GP6: variants seen among roughly 807,000 people sequenced by gnomAD.
GP6 encodes glycoprotein VI platelet, also known as platelet glycoprotein VI.
In GP6, 45 loss-of-function variants were observed where a neutral mutation model predicts 37.3. The observed-to-expected ratio is 1.21, with a 90% CI of 0.95 to 1.55. The LOEUF is 1.55. GP6 is among the 40% of genes most tolerant of loss of function. GP6 has a pLI of 0.00. For missense variants in GP6, 813 were observed against 760.2 expected, an observed-to-expected ratio of 1.07 and a Z score of -0.82; for synonymous variants, 340 against 316.4, an observed-to-expected ratio of 1.07 and a Z score of -0.79.
rs1476071927 is a variant in GP6, at chr19:55,027,016, TACGGCCCCGCCC to T, written c.610+550_610+561del. Among the ~76,000 whole-genome samples the T allele has an allele frequency of 9.8e-5, 12 of 122,248 alleles. 1 individual carries two copies. The highest frequency in any genetic ancestry group is 1.7e-4 in the Admixed American group (2 of 12,084). 80.2% of individuals were successfully genotyped at this position (122,248 alleles called of 152,430 possible). A position where few individuals can be genotyped will look rare whatever the true frequency, so the allele number is the denominator to read the frequency against. ...CCTGCCCTCCCACTTCCTTCCCACC[TACGGCCCCGCCC>T]CTGCAGCCCAGGGCTTCCTGCCCTC... On this transcript the variant is annotated intron_variant, in intron 4 of 7. Coordinates refer to ENST00000310373, the MANE Select transcript of GP6 (RefSeq NM_001083899.2).
Position 55,032,211 on chromosome 19 carries a change from G to A in GP6, c.253C>T (p.Arg85Cys), listed in dbSNP as rs752925351. 8.1e-6 allele frequency: 13 copies of A among 1,613,782 alleles called. No individual in the cohort carries two copies. Among genetic ancestry groups the A allele is most frequent in the African/African-American group, 6.7e-5 (5 of 74,916 alleles). The change falls in exon 3 of 8, where the codon CGC (arginine) becomes TGC (cysteine). Residue 85 changes from arginine to cysteine, a missense_variant. Coordinates refer to ENST00000310373, the MANE Select transcript of GP6 (RefSeq NM_001083899.2). ...CCGTTCTGGTAGGAGCAGCGGTAGC[G>A]TCCAGCCAGACTTCTCTTCATGGCC...
At chr19:55,029,339 TA>T (rs2074444244) in intron 3 of GP6, among the ~76,000 whole-genome samples, 1 of 11,454 alleles carries the variant, frequency 8.7e-5, no homozygotes, top group African/African-American at 4.0e-4. Context: ...TATATATATA[TA>T]TATATATATA....
chr19:55,027,875 G>T lies in GP6; in HGVS notation c.326-13C>A. 6.2e-7 allele frequency: 1 copy of T among 1,613,872 alleles called. No homozygotes were observed. Among genetic ancestry groups the T allele is most frequent in the South Asian group, 1.1e-5 (1 of 91,076 alleles). Reference sequence around the variant, plus strand: ...TTGGCAAAAACTCCTGGGAGAAAAAGAAAGTCTGATGTTGAAGGCAGGAGC... The same window carrying T: ...TTGGCAAAAACTCCTGGGAGAAAAATAAAGTCTGATGTTGAAGGCAGGAGC... On this transcript the variant is annotated splice_polypyrimidine_tract_variant and intron_variant, in intron 3 of 7. Transcript: ENST00000310373.
chr19:55,033,139 A>G (rs62122017), intron 1 of GP6, among the ~76,000 whole-genome samples: 843 of 8,022 alleles, frequency 0.11, 66 homozygotes, highest in East Asian at 0.4. Flanking sequence ...CGTGTTAGAC[A>G]CGGTGGGTTC....
chr19:55,026,000 CAAAAA>C (rs869194721), intron 4 of GP6, among the ~76,000 whole-genome samples: 1 of 17,858 alleles, frequency 5.6e-5, no homozygotes, highest in Non-Finnish European at 1.7e-4. Context: ...AGACTCCCCC[CAAAAA>C]AAAAAAAAAA....
intron 1 of GP6, among the ~76,000 whole-genome samples, chr19:55,037,489 C>T (rs1427020441): frequency 6.6e-6 from 1 of 151,976 alleles, no homozygotes; most frequent in East Asian, 1.9e-4. Flanking sequence ...AGGCATGTGC[C>T]ACCACACCCG....
intron 4 of GP6, among the ~76,000 whole-genome samples, chr19:55,026,612 C>G (rs938276668): frequency 5.3e-5 from 8 of 152,110 alleles, no homozygotes; most frequent in African/African-American, 1.9e-4. Flanking sequence ...GTAGTCAAGT[C>G]CGACGCGGTG....
At chr19:55,035,202 C>G (rs1016156021) in intron 1 of GP6, among the ~76,000 whole-genome samples, 2 of 151,564 alleles carry the variant, frequency 1.3e-5, no homozygotes, top group African/African-American at 4.8e-5. Context: ...CAAACCCTAG[C>G]AGCACCAATT....
intron 1 of GP6, among the ~76,000 whole-genome samples, chr19:55,037,394 A>G (rs1484844879): frequency 6.7e-6 from 1 of 150,138 alleles, no homozygotes; most frequent in Non-Finnish European, 1.5e-5. Context: ...CCAGAGTGCA[A>G]TGGTGTGATC....
chr19:55,019,044 T>C (rs1051524243), intron 5 of GP6, among the ~76,000 whole-genome samples: 7 of 152,100 alleles, frequency 4.6e-5, no homozygotes, highest in Admixed American at 3.3e-4. Flanking sequence ...GTGGAATCAC[T>C]GGGTCATACA....
At chr19:55,021,784 T>C (rs2074097122) in intron 5 of GP6, among the ~76,000 whole-genome samples, 1 of 152,068 alleles carries the variant, frequency 6.6e-6, no homozygotes, top group African/African-American at 2.4e-5. Flanking sequence ...CCTCCCAAAG[T>C]GCTGGGATTA....
At position 55,018,651 on chromosome 19, in the gene GP6, C is replaced by A; in HGVS notation, c.724+1G>T. On this transcript the variant is annotated splice_donor_variant, in intron 6 of 7. Transcript: ENST00000310373. LOFTEE classifies it high-confidence loss of function. ...TGAGCATGAAATGCCTGGTTACTCA[C>A]CAGTTGTGAAGACTTCGTTTGTGAA... The A allele has an allele frequency of 6.4e-7, 1 of 1,560,794 alleles. No homozygotes were observed. Among genetic ancestry groups the A allele is most frequent in the South Asian group, 1.1e-5 (1 of 90,088 alleles).
At chr19:55,034,338 C>T (rs191992694) in intron 1 of GP6, among the ~76,000 whole-genome samples, 1 of 151,982 alleles carries the variant, frequency 6.6e-6, no homozygotes, top group Non-Finnish European at 1.5e-5. Context: ...GGGCGGATCA[C>T]AAGGTCAGGA....
In GP6 at chr19:55,014,947, C is replaced by A. The variant is rs776313503; in HGVS notation, c.998G>T (p.Cys333Phe). 1.9e-6 allele frequency: 3 copies of A among 1,613,464 alleles called. No homozygotes were observed. The African/African-American group carries it at 4.0e-5, about 22-fold the overall frequency. Residue 333 changes from cysteine (C) to phenylalanine (F), a missense_variant, in exon 8 of 8, where the codon TGT (cysteine) becomes TTT (phenylalanine). Physicochemically the swap from Cys to Phe is radical, Grantham distance 205. Transcript: ENST00000310373. ...CATGAACATAACCCGCGGCTGTGAA[C>A]ATCCTGTCGGCCTCCATCCTGACCC...
chr19:55,027,787 C>T lies in GP6; in HGVS notation c.401G>A (p.Cys134Tyr). 2 of 1,614,074 alleles carry T rather than the reference C, an allele frequency of 1.2e-6. No homozygotes were observed. The highest frequency in any genetic ancestry group is 2.2e-5 in the East Asian group (1 of 44,884). ...TTGGTCAAAGCCATACCGAGTCTGA[C>T]ACTGTAGGGTTACGTCCCCTCCTGA... is the stretch of plus-strand genomic sequence containing the variant. Residue 134 changes from cysteine to tyrosine, a missense_variant, in exon 4 of 8, where the codon TGT becomes TAT. Coordinates refer to ENST00000310373, the MANE Select transcript of GP6 (RefSeq NM_001083899.2).
chr19:55,031,246 A>G (rs1412478012), intron 3 of GP6, among the ~76,000 whole-genome samples: 2 of 152,200 alleles, frequency 1.3e-5, no homozygotes, highest in Admixed American at 1.3e-4. Flanking sequence ...CTTTTCTGTC[A>G]GTCTAAAAAT....
intron 5 of GP6, among the ~76,000 whole-genome samples, chr19:55,020,960 G>A (rs2074054419): frequency 6.6e-6 from 1 of 151,146 alleles, no homozygotes; most frequent in Non-Finnish European, 1.5e-5. Context: ...GCTGAGGCAG[G>A]AGAATCACTT....
intron 7 of GP6, 42 bp downstream of exon 7, chr19:55,015,641 C>A: frequency 7.9e-7 from 1 of 1,260,366 alleles, no homozygotes. Flanking sequence ...GGTGAAGAGA[C>A]GGGTGAGAAG....
chr19:55,031,567 T>G (rs918336666), intron 3 of GP6, among the ~76,000 whole-genome samples: 1 of 152,234 alleles, frequency 6.6e-6, no homozygotes, highest in African/African-American at 2.4e-5. Context: ...AATTCTGGTT[T>G]TTTTCATTGT....
Sources: gnomAD v4.1 joint callset for allele counts (sites outside exome capture counted in the v4.1 genomes callset) on GRCh38, gnomAD v4.1.1 for gene constraint, MANE v1.5 for transcripts, NCBI Gene and HGNC (gene_info 2026-07-23, HGNC 2026-07-21) for gene names.